The following RIPOR2 variants were observed in gnomAD, a reference collection of about 807,000 sequenced individuals.
The protein encoded by RIPOR2 is rho family-interacting cell polarization regulator 2.
A neutral mutation model predicts 114.5 loss-of-function variants in RIPOR2; 39 were observed. The observed-to-expected ratio is 0.34, with a 90% CI of 0.26 to 0.44. RIPOR2 has a LOEUF of 0.44. RIPOR2 is among the 20% of genes least tolerant of loss of function. The pLI is 1.00. For synonymous variants in RIPOR2, 445 were observed against 484.4 expected (o/e 0.92, Z 1.07); for missense variants, 1,007 against 1,255.1 (o/e 0.80, Z 2.99).
At chr6:24,928,853 T>C (rs1477884787) in intron 1 of RIPOR2, among the ~76,000 whole-genome samples, 2 of 152,234 alleles carry the variant, frequency 1.3e-5, no homozygotes, top group Admixed American at 1.3e-4. Flanking sequence ...TTTACAAAGC[T>C]AGATCCGAGT....
intron 1 of RIPOR2, among the ~76,000 whole-genome samples, chr6:24,967,627 C>T (rs1773587128): frequency 6.6e-6 from 1 of 152,138 alleles, no homozygotes; most frequent in African/African-American, 2.4e-5. Context: ...TAATTGGTCC[C>T]TCTCCTAACC....
At chr6:25,023,687 A>ACGATGTCAGTACAGCC in intron 1 of RIPOR2, 1 of 764,160 alleles carries the variant, frequency 1.3e-6, no homozygotes, top group Non-Finnish European at 2.4e-6. Flanking sequence ...GCGGTTCTCC[A>ACGATGTCAGTACAGCC]CGATGTCAGT....
At chr6:24,808,482 T>C (rs1780920476) in intron 21 of RIPOR2, among the ~76,000 whole-genome samples, 1 of 152,226 alleles carries the variant, frequency 6.6e-6, no homozygotes, top group African/African-American at 2.4e-5. Flanking sequence ...GGCTAAGATT[T>C]CTGTGGAAGA....
intron 1 of RIPOR2, among the ~76,000 whole-genome samples, chr6:24,932,814 A>T (rs1323476358): frequency 3.3e-5 from 5 of 152,206 alleles, no homozygotes; most frequent in Non-Finnish European, 5.9e-5. Flanking sequence ...TTTTTATGTT[A>T]CGGAAAACTC....
intron 1 of RIPOR2, among the ~76,000 whole-genome samples, chr6:24,917,421 G>A (rs572075699): frequency 2.8e-4 from 43 of 152,316 alleles, no homozygotes; most frequent in African/African-American, 9.9e-4. Flanking sequence ...TTGCACAAAG[G>A]TATTAAAATA....
chr6:24,941,427 G>A (rs1187968739), intron 1 of RIPOR2, among the ~76,000 whole-genome samples: 1 of 151,932 alleles, frequency 6.6e-6, no homozygotes, highest in Non-Finnish European at 1.5e-5. Context: ...ACAGGGCTGA[G>A]TTACAATCTT....
At chr6:24,899,160 A>G (rs576461708) in intron 1 of RIPOR2, among the ~76,000 whole-genome samples, 4 of 152,216 alleles carry the variant, frequency 2.6e-5, no homozygotes, top group Admixed American at 6.5e-5. Flanking sequence ...GTTCAGGGAC[A>G]ATGTGGGAAC....
chr6:24,938,344 A>G (rs915429031), upstream of RIPOR2, among the ~76,000 whole-genome samples: 2 of 152,212 alleles, frequency 1.3e-5, no homozygotes, highest in African/African-American at 2.4e-5. Flanking sequence ...ATTCTCCCTC[A>G]CATCCCTCAG....
chr6:25,031,750 TAA>T (rs1277482515), intron 1 of RIPOR2, among the ~76,000 whole-genome samples: 1 of 62,190 alleles, frequency 1.6e-5, no homozygotes, highest in Admixed American at 1.8e-4. Flanking sequence ...TATATATATA[TAA>T]AATATCCATA....
At chr6:25,016,491 C>CT (rs1776009242) in intron 1 of RIPOR2, among the ~76,000 whole-genome samples, 1 of 152,174 alleles carries the variant, frequency 6.6e-6, no homozygotes, top group Non-Finnish European at 1.5e-5. Context: ...TGTTACTGCA[C>CT]TTAAGCATTC....
Position 24,870,999 on chromosome 6 carries a change from C to A in RIPOR2, c.424-110G>T, listed in dbSNP as rs150582068. On this transcript the variant is annotated intron_variant, in intron 4 of 21. Transcript: ENST00000643898. The stretch of plus-strand genomic sequence containing the variant: ...GCACATTATCTGTGGAAATAATGAT[C>A]ATCCCTACAAAATTCTACTGGATGT... 2,039 of 617,576 alleles carry A rather than the reference C, an allele frequency of 3.3e-3. 36 individuals carry two copies. In the African/African-American group the frequency reaches 0.035, roughly 11 times the overall value. 38.3% of individuals were successfully genotyped at this position (617,576 alleles called of 1,614,324 possible).
At chr6:24,844,825 T>C (rs1429342363) in intron 12 of RIPOR2, among the ~76,000 whole-genome samples, 3 of 152,094 alleles carry the variant, frequency 2.0e-5, no homozygotes, top group Admixed American at 2.0e-4. Context: ...TTAAAGTAAA[T>C]AAATGGTAAG....
At chr6:24,955,938 G>A (rs1773019991) in intron 1 of RIPOR2, among the ~76,000 whole-genome samples, 1 of 151,678 alleles carries the variant, frequency 6.6e-6, no homozygotes, top group Non-Finnish European at 1.5e-5. Context: ...GAACCTGGGA[G>A]GCGGAGGTTG....
chr6:24,974,727 A>G (rs565708711), intron 1 of RIPOR2, among the ~76,000 whole-genome samples: 51 of 152,382 alleles, frequency 3.3e-4, no homozygotes, highest in African/African-American at 1.1e-3. Context: ...ATTATTCATC[A>G]TAGCCAAAAA....
intron 1 of RIPOR2, among the ~76,000 whole-genome samples, chr6:24,942,304 T>C (rs1561795854): frequency 6.6e-6 from 1 of 152,232 alleles, no homozygotes; most frequent in Non-Finnish European, 1.5e-5. Flanking sequence ...AAGAAATGTA[T>C]TTTTAAATAA....
chr6:24,911,636 T>C (rs572707303), intron 1 of RIPOR2, among the ~76,000 whole-genome samples: 1 of 152,242 alleles, frequency 6.6e-6, no homozygotes, highest in East Asian at 1.9e-4. Flanking sequence ...TTTTATTTTG[T>C]TCTGGTGGAT....
intron 20 of RIPOR2, 53 bp from the exon 21 acceptor site, chr6:24,809,860 C>T: frequency 8.4e-7 from 1 of 1,188,408 alleles, no homozygotes. Context: ...TCTAGAGTAC[C>T]ACGAGACTTG....
chr6:24,918,192 C>T (rs1214896696), intron 1 of RIPOR2, among the ~76,000 whole-genome samples: 1 of 151,926 alleles, frequency 6.6e-6, no homozygotes, highest in Non-Finnish European at 1.5e-5. Flanking sequence ...GCCCCAGTAT[C>T]CCCTGCATCC....
rs1762796943 is a variant in RIPOR2 at position 24,850,680 on chromosome 6, T to C, written c.802A>G (p.Lys268Glu). ...YGRQRWKLKG[K>E]IEVNGKQSWD... ...CTCTGCTTGCCATTTACTTCTATTT[T>C]GCCTTTCAGTTTCCACCGCTGCCGG... Residue 268 changes from lysine (K) to glutamate (E), a missense_variant, in exon 10 of 22, where the codon AAA becomes GAA. Lys to Glu is a moderately conservative substitution (Grantham distance 56). Coordinates refer to ENST00000643898, the MANE Select transcript of RIPOR2 (RefSeq NM_001286445.3). 6.2e-7 allele frequency: 1 copy of C among 1,613,930 alleles called. No individual in the cohort carries two copies. Among genetic ancestry groups the C allele is most frequent in the Admixed American group, 1.7e-5 (1 of 60,020 alleles).
Sources: allele counts gnomAD v4.1 joint callset (sites outside exome capture counted in the v4.1 genomes callset), GRCh38; gene constraint gnomAD v4.1.1; transcripts MANE v1.5; gene names NCBI Gene and HGNC (gene_info 2026-07-23, HGNC 2026-07-21).